CDHR3: variants seen among roughly 807,000 people sequenced by gnomAD.
The protein encoded by CDHR3 is cadherin-related family member 3.
A neutral mutation model predicts 86.6 loss-of-function variants in CDHR3; 79 were observed. The ratio of observed to expected loss-of-function variants is 0.91; its 90% CI spans 0.76 to 1.10. CDHR3 has a LOEUF of 1.10. Among genes scored for constraint, CDHR3 ranks in the 50% least tolerant of loss-of-function variants. The pLI is 0.00. For synonymous variants in CDHR3, 421 were observed against 402.4 expected, an observed-to-expected ratio of 1.05 and a Z score of -0.55; for missense variants, 1,081 against 1,077.6, an observed-to-expected ratio of 1.00 and a Z score of -0.04.
At position 106,001,336 on chromosome 7, in the gene CDHR3, C is replaced by G; in HGVS notation, c.714-126C>G. 3 of 970,680 alleles carry G rather than the reference C, an allele frequency of 3.1e-6. No individual in the cohort carries two copies. The South Asian group carries it at 5.0e-5, about 16-fold the overall frequency. 60.1% of individuals were successfully genotyped at this position (970,680 alleles called of 1,614,324 possible). ...TCCTTTCCACTGCTGTGCTCTCCCT[C>G]TGAGCATGTTGATGCAACTTGAACA... On this transcript the variant is annotated intron_variant, in intron 6 of 18. Transcript: ENST00000317716.
intron 11 of CDHR3, 129 bp from the exon 12 acceptor site, chr7:106,017,717 A>G (rs181142825): frequency 1.4e-6 from 1 of 689,796 alleles, no homozygotes; most frequent in East Asian, 2.7e-5. Flanking sequence ...TGAAGCTATA[A>G]AACAGAGTTT....
At chr7:105,973,542 A>G (rs1055348254) in intron 1 of CDHR3, among the ~76,000 whole-genome samples, 1 of 152,122 alleles carries the variant, frequency 6.6e-6, no homozygotes, top group African/African-American at 2.4e-5. Context: ...CCTCCATTAT[A>G]TCATGGCCTT....
chr7:105,998,587 T>C (rs1043802367), intron 6 of CDHR3, among the ~76,000 whole-genome samples: 19 of 151,882 alleles, frequency 1.3e-4, no homozygotes, highest in Non-Finnish European at 2.9e-5. Flanking sequence ...AGGTCAGGAG[T>C]TCGAGACCAG....
intron 3 of CDHR3, among the ~76,000 whole-genome samples, chr7:105,983,735 A>G (rs1425107216): frequency 6.6e-6 from 1 of 152,138 alleles, no homozygotes; most frequent in East Asian, 1.9e-4. Context: ...TTCCACTGTA[A>G]GATCCCTCAT....
chr7:105,998,397 C>A (rs369925777), intron 6 of CDHR3, among the ~76,000 whole-genome samples: 19 of 152,288 alleles, frequency 1.2e-4, no homozygotes, highest in African/African-American at 4.1e-4. Flanking sequence ...AAAATGTCTC[C>A]CCATTTTACC....
In CDHR3 at chr7:106,017,854, C is replaced by A; in HGVS notation, c.1435C>A (p.Arg479=). 1 of 1,577,402 alleles carries A rather than the reference C, an allele frequency of 6.3e-7. No individual in the cohort carries two copies. Among genetic ancestry groups the A allele is most frequent in the African/African-American group, 1.4e-5 (1 of 73,896 alleles). Residue 479 remains arginine (R), a synonymous_variant, in exon 12 of 19, where the codon CGA becomes AGA. Transcript: ENST00000317716. ...DVSERRPART[R]VGQVRATDKD... Reference sequence around the variant, plus strand: ...GTACTTTATTCCTCCAGCCAGAACCCGAGTGGGACAGGTGCGAGCCACTGA... The same window carrying A: ...GTACTTTATTCCTCCAGCCAGAACCAGAGTGGGACAGGTGCGAGCCACTGA...
At chr7:106,015,645 A>G (rs565171190) in intron 10 of CDHR3, among the ~76,000 whole-genome samples, 1 of 151,950 alleles carries the variant, frequency 6.6e-6, no homozygotes, top group East Asian at 1.9e-4. Flanking sequence ...ACACCCCCCA[A>G]TCTCCTCCCT....
chr7:106,029,544 C>CTG (rs763651941), intron 17 of CDHR3, among the ~76,000 whole-genome samples: 1,293 of 91,120 alleles, frequency 0.014, 8 homozygotes, highest in African/African-American at 0.025. Flanking sequence ...TCTCCTCCAC[C>CTG]TCTGTCTCTC....
intron 4 of CDHR3, among the ~76,000 whole-genome samples, chr7:105,986,143 A>G (rs1405905005): frequency 6.6e-6 from 1 of 152,060 alleles, no homozygotes; most frequent in Non-Finnish European, 1.5e-5. Flanking sequence ...CCCTTTTTTT[A>G]TCAGGAAAAC....
intron 11 of CDHR3, among the ~76,000 whole-genome samples, chr7:106,016,558 A>T (rs1435493917): frequency 6.6e-6 from 1 of 151,950 alleles, no homozygotes; most frequent in African/African-American, 2.4e-5. Context: ...TTCCAGCTTC[A>T]CTTTCTGCCT....
At chr7:105,982,216 C>G (rs972777750) in intron 3 of CDHR3, among the ~76,000 whole-genome samples, 4 of 152,192 alleles carry the variant, frequency 2.6e-5, no homozygotes, top group African/African-American at 9.6e-5. Flanking sequence ...CGCCTGTAAT[C>G]TCAGCACTTT....
chr7:105,999,724 A>T (rs1832835719), intron 6 of CDHR3, among the ~76,000 whole-genome samples: 1 of 152,056 alleles, frequency 6.6e-6, no homozygotes, highest in Non-Finnish European at 1.5e-5. Flanking sequence ...CCTTATAATC[A>T]TCCTTCCGAA....
In CDHR3 at chr7:105,980,335, G is replaced by A. The variant is rs76760123; in HGVS notation, c.250-633G>A. ...CAATGGACCTGCAGCAACCTTACGC[G>A]TAATATAAGATGTGCATGGTCTTAG... On this transcript the variant is annotated intron_variant, in intron 2 of 18. Transcript: ENST00000317716. Among the ~76,000 whole-genome samples the A allele has an allele frequency of 0.01, 1,585 of 152,196 alleles. 68 individuals carry two copies. In the East Asian group the frequency reaches 0.15, roughly 14 times the overall value.
chr7:106,030,706 A>T lies in CDHR3; in HGVS notation c.2305-86A>T. The T allele has an allele frequency of 7.6e-7, 1 of 1,313,094 alleles. No individual in the cohort carries two copies. The highest frequency in any genetic ancestry group is 1.1e-6 in the Non-Finnish European group (1 of 928,524). 81.3% of individuals were successfully genotyped at this position (1,313,094 alleles called of 1,614,324 possible). ...TTAGAAGTCAAGAAGGCTTTGGTTA[A>T]GGAACTTGGGTTGTGAGGATGTGTA... On this transcript the variant is annotated intron_variant, in intron 17 of 18. Transcript: ENST00000317716. The surrounding 1 kb of genome is among the most constrained non-coding windows in gnomAD (Gnocchi z 4.8).
At chr7:105,964,064 A>T (rs1184314195) in intron 1 of CDHR3, among the ~76,000 whole-genome samples, 1 of 152,222 alleles carries the variant, frequency 6.6e-6, no homozygotes, top group African/African-American at 2.4e-5. Context: ...TAAAATACTT[A>T]GAAGAGTGTC....
chr7:105,984,350 G>C, intron 4 of CDHR3, 61 bp downstream of exon 4: 2 of 1,316,102 alleles, frequency 1.5e-6, no homozygotes, highest in Non-Finnish European at 2.1e-6. Flanking sequence ...ACAGGAGCCT[G>C]CTGTCCTGAG....
At chr7:105,975,344 A>G (rs1828637953) in intron 2 of CDHR3, among the ~76,000 whole-genome samples, 1 of 152,162 alleles carries the variant, frequency 6.6e-6, no homozygotes. Flanking sequence ...TGGTGTGCCT[A>G]CAGTATCTAA....
chr7:105,964,958 G>A (rs528431501), intron 1 of CDHR3, among the ~76,000 whole-genome samples: 1 of 152,114 alleles, frequency 6.6e-6, no homozygotes, highest in Non-Finnish European at 1.5e-5. Context: ...CATTTGAGTC[G>A]AGGTGACTTT....
intron 8 of CDHR3, among the ~76,000 whole-genome samples, chr7:106,009,046 C>T (rs11770729): frequency 0.17 from 25,140 of 152,188 alleles, 2,627 homozygotes; most frequent in Admixed American, 0.29. Flanking sequence ...AACTGCAATT[C>T]GAATATCCTA....
Sources: gnomAD v4.1 joint callset for allele counts (sites outside exome capture counted in the v4.1 genomes callset) on GRCh38, gnomAD v4.1.1 for gene constraint, Gnocchi (gnomAD v3.1) non-coding constraint, MANE v1.5 for transcripts, NCBI Gene and HGNC (gene_info 2026-07-23, HGNC 2026-07-21) for gene names.